NUMA1: variants seen among roughly 807,000 people sequenced by gnomAD.
The protein encoded by NUMA1 is nuclear mitotic apparatus protein 1.
In NUMA1, 62 loss-of-function variants were observed where a neutral mutation model predicts 237.1. That is an observed-to-expected ratio of 0.26 (90% CI 0.21 to 0.32). The LOEUF is 0.32. NUMA1 is among the 10% of genes least tolerant of loss of function. NUMA1 has a pLI of 1.00. For missense variants in NUMA1, 2,533 were observed against 2,666.5 expected, an observed-to-expected ratio of 0.95 and a Z score of 1.10; for synonymous variants, 1,028 against 1,066.1, an observed-to-expected ratio of 0.96 and a Z score of 0.70.
chr11:72,024,317 C>T lies in NUMA1; in HGVS notation c.165G>A (p.Gln55=). Residue 55 remains glutamine, a synonymous_variant, in exon 5 of 27, where the codon CAG becomes CAA. Transcript: ENST00000393695. ...GTEEGQQILK[Q]PVSERLDFVC... is the part of the protein sequence containing the mutation. ...CAAAGTCCAGTCTCTCTGACACCGG[C>T]TGCTTCAAGATTTGCTGTCCCTCTT... 1 of 1,614,224 alleles carries T rather than the reference C, an allele frequency of 6.2e-7. No individual in the cohort carries two copies. Among genetic ancestry groups the T allele is most frequent in the Non-Finnish European group, 8.5e-7 (1 of 1,180,024 alleles).
chr11:72,003,582 C>T, intron 26 of NUMA1, 44 bp from the exon 27 acceptor site: 4 of 1,613,406 alleles, frequency 2.5e-6, no homozygotes, highest in Non-Finnish European at 3.4e-6. Context: ...ACTTGCGATA[C>T]TAGCCTGCAC....
At chr11:72,050,004 G>A (rs538073497) in intron 2 of NUMA1, among the ~76,000 whole-genome samples, 101 of 152,040 alleles carry the variant, frequency 6.6e-4, no homozygotes, top group South Asian at 2.1e-3. Flanking sequence ...GGCACATTGT[G>A]TGTTACCCTA....
intron 2 of NUMA1, among the ~76,000 whole-genome samples, chr11:72,046,273 G>C (rs993157080): frequency 1.3e-5 from 2 of 152,288 alleles, no homozygotes; most frequent in South Asian, 4.1e-4. Flanking sequence ...GGCCGGGCAC[G>C]GTGGCTCACG....
intron 2 of NUMA1, chr11:72,042,161 G>A: frequency 6.6e-6 from 1 of 152,216 alleles, no homozygotes. Flanking sequence ...ACTCTTAGAA[G>A]ACAAAATCAC....
At chr11:72,007,758 T>C (rs1955845037) in intron 20 of NUMA1, 1 of 404,986 alleles carries the variant, frequency 2.5e-6, no homozygotes, top group South Asian at 2.4e-5. Flanking sequence ...GCATCTCCCA[T>C]TTCAGTGAAT....
chr11:72,003,439 G>C lies in NUMA1; in HGVS notation c.*88C>G. On this transcript the variant is annotated 3_prime_UTR_variant, in exon 27 of 27. Transcript: ENST00000393695. ...TGGCTACTGTTGGCCTGGGAGCTGA[G>C]AGAAGGCACTGAGAGGGACAGTAGG... 5 of 1,322,140 alleles carry C rather than the reference G, an allele frequency of 3.8e-6. No homozygotes were observed. The highest frequency in any genetic ancestry group is 4.4e-6 in the Non-Finnish European group (4 of 913,082). 81.9% of individuals were successfully genotyped at this position (1,322,140 alleles called of 1,614,324 possible). A position where few individuals can be genotyped will look rare whatever the true frequency, so the allele number is the denominator to read the frequency against.
rs1956217894 is a variant in NUMA1, at chr11:72,012,452, G to T, written c.4609-10C>A. ...CCTCTAGCTGCTCCACCTGTACATG[G>T]GGGAGGAGCAACAGAGACAGAGTGA... On this transcript the variant is annotated splice_polypyrimidine_tract_variant and intron_variant, in intron 15 of 26. Transcript: ENST00000393695. 6.2e-7 allele frequency: 1 copy of T among 1,612,060 alleles called. No individual in the cohort carries two copies. The highest frequency in any genetic ancestry group is 8.5e-7 in the Non-Finnish European group (1 of 1,178,874).
At chr11:72,038,649 C>T (rs1362108529) in intron 2 of NUMA1, among the ~76,000 whole-genome samples, 1 of 152,030 alleles carries the variant, frequency 6.6e-6, no homozygotes, top group Non-Finnish European at 1.5e-5. Flanking sequence ...CCCACCCTCC[C>T]CCTGAAATCT....
chr11:72,072,645 G>A (rs889930568), intron 1 of NUMA1, among the ~76,000 whole-genome samples: 13 of 152,134 alleles, frequency 8.5e-5, no homozygotes, highest in African/African-American at 1.9e-4. Context: ...CCTTATTACC[G>A]CGACTGATTA....
intron 2 of NUMA1, among the ~76,000 whole-genome samples, chr11:72,062,188 A>G (rs921770389): frequency 6.6e-6 from 1 of 152,106 alleles, no homozygotes; most frequent in African/African-American, 2.4e-5. Context: ...CATCCTCCCC[A>G]TATCATCAGT....
chr11:72,044,609 G>A (rs1310425048), intron 2 of NUMA1, among the ~76,000 whole-genome samples: 1 of 151,752 alleles, frequency 6.6e-6, no homozygotes, highest in Non-Finnish European at 1.5e-5. Context: ...CTTTGGGGGG[G>A]GGGAGGAGTT....
At chr11:72,036,160 A>C (rs1941000072) in intron 2 of NUMA1, among the ~76,000 whole-genome samples, 185 bp from the exon 3 acceptor site, 1 of 152,214 alleles carries the variant, frequency 6.6e-6, no homozygotes, top group Non-Finnish European at 1.5e-5. Context: ...AGCTTACATC[A>C]GAGACGACAG....
chr11:72,078,533 T>C (rs774656134), intron 1 of NUMA1, among the ~76,000 whole-genome samples: 3 of 152,272 alleles, frequency 2.0e-5, no homozygotes, highest in Admixed American at 1.3e-4. Context: ...ATTCAAGTCT[T>C]ATTTCAAGGC....
chr11:72,044,941 G>A (rs1941910687), intron 2 of NUMA1, among the ~76,000 whole-genome samples: 1 of 152,148 alleles, frequency 6.6e-6, no homozygotes, highest in Admixed American at 6.5e-5. Context: ...CTGGATTACA[G>A]GTGTGAGCCA....
In NUMA1 at chr11:72,012,454, G is replaced by A. The variant is rs1956218085; in HGVS notation, c.4609-12C>T. The A allele has an allele frequency of 3.1e-6, 5 of 1,611,328 alleles. No individual in the cohort carries two copies. The East Asian group carries it at 8.9e-5, about 29-fold the overall frequency. On this transcript the variant is annotated splice_polypyrimidine_tract_variant and intron_variant, in intron 15 of 26. Coordinates refer to ENST00000393695, the MANE Select transcript of NUMA1 (RefSeq NM_006185.4). ...TCTAGCTGCTCCACCTGTACATGGG[G>A]GAGGAGCAACAGAGACAGAGTGAGA...
chr11:72,066,602 G>C (rs1176476846), intron 2 of NUMA1: 1 of 152,056 alleles, frequency 6.6e-6, no homozygotes, highest in African/African-American at 2.4e-5. Context: ...TAAACCTACT[G>C]AACTCCTATT....
At chr11:72,029,116 CCAT>C (rs1398302802) in intron 4 of NUMA1, 86 bp downstream of exon 4, 3 of 909,526 alleles carry the variant, frequency 3.3e-6, no homozygotes, top group South Asian at 1.6e-5. Context: ...CTGGTCATAG[CCAT>C]CATCAAGTAA....
At position 72,004,916 on chromosome 11, in the gene NUMA1, T is replaced by C. The variant is rs568767133; in HGVS notation, c.5830-100A>G. The C allele has an allele frequency of 1.6e-4, 186 of 1,190,218 alleles. No homozygotes were observed. The African/African-American group carries it at 2.6e-3, about 17-fold the overall frequency. The allele number at this position is 1,190,218 out of a possible 1,614,324, so 73.7% of individuals were successfully genotyped here. Reference sequence around the variant, plus strand: ...CTCTACACTCGCCCGACACTTATGGTCGGGACCCTTCCTGCCTCACGAGGT... The same window carrying C: ...CTCTACACTCGCCCGACACTTATGGCCGGGACCCTTCCTGCCTCACGAGGT... On this transcript the variant is annotated intron_variant, in intron 23 of 26. Transcript: ENST00000393695.
intron 2 of NUMA1, among the ~76,000 whole-genome samples, chr11:72,060,229 G>A (rs1275015368): frequency 6.6e-6 from 1 of 152,116 alleles, no homozygotes; most frequent in Non-Finnish European, 1.5e-5. Context: ...ACGTAGCCAC[G>A]CCCATTCATT....
Sources: gnomAD v4.1 joint callset for allele counts (sites outside exome capture counted in the v4.1 genomes callset) on GRCh38, gnomAD v4.1.1 for gene constraint, MANE v1.5 for transcripts, NCBI Gene and HGNC (gene_info 2026-07-23, HGNC 2026-07-21) for gene names.